CDCA7L: variants seen among roughly 807,000 people sequenced by gnomAD.
The protein encoded by CDCA7L is cell division cycle associated 7 like, also known as cell division cycle-associated 7-like protein.
Under a neutral mutation model 57.4 loss-of-function variants are expected in CDCA7L, and 44 were observed. The ratio of observed to expected loss-of-function variants is 0.77; its 90% confidence interval spans 0.60 to 0.98. The LOEUF (loss-of-function observed/expected upper bound fraction) is 0.98. CDCA7L is among the 50% of genes least tolerant of loss of function. The pLI is 0.00. For missense variants in CDCA7L, 644 were observed against 580.6 expected (o/e 1.11, Z -1.12); for synonymous variants, 236 against 202.8 (o/e 1.16, Z -1.39).
At chr7:21,907,951 T>C (rs528605487) in intron 4 of CDCA7L, among the ~76,000 whole-genome samples, 179 bp downstream of exon 4, 1 of 152,162 alleles carries the variant, frequency 6.6e-6, no homozygotes, top group Non-Finnish European at 1.5e-5. Context: ...CCAGAGCTGA[T>C]CATGTAATAG....
intron 3 of CDCA7L, among the ~76,000 whole-genome samples, chr7:21,911,245 G>A (rs551336408): frequency 6.6e-6 from 1 of 151,690 alleles, no homozygotes; most frequent in African/African-American, 2.4e-5. Flanking sequence ...GGTGAGGCTG[G>A]TCTTGAACTC....
intron 1 of CDCA7L, among the ~76,000 whole-genome samples, chr7:21,934,027 T>C (rs972066249): frequency 1.3e-5 from 2 of 152,086 alleles, no homozygotes; most frequent in African/African-American, 2.4e-5. Flanking sequence ...CTACTGGCAT[T>C]TGCAACAGAA....
chr7:21,901,218 G>C lies in CDCA7L; in HGVS notation c.*1104C>G. On this transcript the variant is annotated 3_prime_UTR_variant, in exon 10 of 10. Coordinates refer to ENST00000406877, the MANE Select transcript of CDCA7L (RefSeq NM_018719.5). ...AGAGCGAAGAGAAGACTGCAAAATG[G>C]GTTCTGGCTGGAGTGGCTCTGCTTC... The C allele has an allele frequency of 1.2e-6, 2 of 1,612,064 alleles. No homozygotes were observed. The highest frequency in any genetic ancestry group is 1.7e-6 in the Non-Finnish European group (2 of 1,179,010).
rs1033735150 is a variant in CDCA7L at position 21,932,435 on chromosome 7, T to A, written c.24+13346A>T. 3.3e-5 allele frequency among the ~76,000 whole-genome samples: 5 copies of A among 152,184 alleles called. 1 individual carries two copies. The East Asian group carries it at 7.7e-4, about 23-fold the overall frequency. Reference sequence around the variant, plus strand: ...GGCTACAGTAACCAAAACAGCATGGTACTGGTACCAAAACAGATATACAGA... The same window carrying A: ...GGCTACAGTAACCAAAACAGCATGGAACTGGTACCAAAACAGATATACAGA... On this transcript the variant is annotated intron_variant, in intron 1 of 9. Transcript: ENST00000406877.
At chr7:21,911,810 G>A in intron 2 of CDCA7L, 56 bp from the exon 3 acceptor site, 1 of 1,541,676 alleles carries the variant, frequency 6.5e-7, no homozygotes, top group Non-Finnish European at 8.8e-7. Context: ...GGTTACCAGG[G>A]AAGGGTAGAA....
intron 1 of CDCA7L, among the ~76,000 whole-genome samples, chr7:21,928,566 G>C (rs1341851251): frequency 2.0e-5 from 3 of 152,018 alleles, no homozygotes; most frequent in Non-Finnish European, 4.4e-5. Context: ...AAAAAGGTTA[G>C]AGGAATTGCT....
intron 6 of CDCA7L, chr7:21,905,835 G>A (rs1785120383): frequency 1.8e-6 from 1 of 565,314 alleles, no homozygotes; most frequent in Non-Finnish European, 2.9e-6. Context: ...AATCATAAAG[G>A]AGGAACTCAA....
chr7:21,909,593 A>ATG (rs1785250428), intron 3 of CDCA7L, among the ~76,000 whole-genome samples: 1 of 152,210 alleles, frequency 6.6e-6, no homozygotes, highest in Admixed American at 6.5e-5. Flanking sequence ...GTAAGACTAT[A>ATG]TGGCACTGAT....
rs191940230 is a variant in CDCA7L at position 21,942,100 on chromosome 7, C to G, written c.24+3681G>C. On this transcript the variant is annotated intron_variant, in intron 1 of 9. Transcript: ENST00000406877. ...ACCAATGCCTAGCACATAACCGGTG[C>G]TCAACTGACTATCTGATCAGTGTAC... Among the ~76,000 whole-genome samples, 73 of 152,292 alleles carry G rather than the reference C, an allele frequency of 4.8e-4. No individual in the cohort carries two copies. The East Asian group carries it at 0.012, about 26-fold the overall frequency.
intron 2 of CDCA7L, among the ~76,000 whole-genome samples, chr7:21,913,489 T>C (rs1158259090): frequency 6.6e-6 from 1 of 152,060 alleles, no homozygotes; most frequent in Non-Finnish European, 1.5e-5. Flanking sequence ...GGGGTCGGGG[T>C]AGAGAAGCAG....
At chr7:21,912,263 C>A (rs1243233377) in intron 2 of CDCA7L, among the ~76,000 whole-genome samples, 1 of 152,086 alleles carries the variant, frequency 6.6e-6, no homozygotes, top group African/African-American at 2.4e-5. Flanking sequence ...CCATTGCACT[C>A]CAGCCGGGTG....
chr7:21,906,084 T>C (rs911812469), intron 6 of CDCA7L, among the ~76,000 whole-genome samples: 9 of 152,224 alleles, frequency 5.9e-5, no homozygotes, highest in African/African-American at 2.2e-4. Context: ...ACTCTCTCTG[T>C]GACCTCCAGC....
intron 1 of CDCA7L, among the ~76,000 whole-genome samples, chr7:21,924,987 G>T: frequency 6.6e-6 from 1 of 152,086 alleles, no homozygotes; most frequent in Non-Finnish European, 1.5e-5. Context: ...CTCTGAATGG[G>T]GAGGACTTTC....
At chr7:21,944,077 G>C (rs1218615298) in intron 1 of CDCA7L, among the ~76,000 whole-genome samples, 1 of 152,100 alleles carries the variant, frequency 6.6e-6, no homozygotes, top group Admixed American at 6.5e-5. Context: ...AACTCACAAG[G>C]AGCTCAAATC....
intron 2 of CDCA7L, among the ~76,000 whole-genome samples, chr7:21,916,514 T>TA (rs71557529): frequency 2.2e-4 from 23 of 105,090 alleles, no homozygotes; most frequent in East Asian, 5.4e-4. Context: ...TCCCTTTATT[T>TA]AAAAAAAAAA....
In CDCA7L at chr7:21,901,196, GCGA is replaced by G; in HGVS notation, c.*1123_*1125del. 6.2e-7 allele frequency: 1 copy of G among 1,613,946 alleles called. No individual in the cohort carries two copies. Among genetic ancestry groups the G allele is most frequent in the Non-Finnish European group, 8.5e-7 (1 of 1,179,836 alleles). On this transcript the variant is annotated 3_prime_UTR_variant, in exon 10 of 10. Transcript: ENST00000406877. ...TACATCTGGACCTTCAGGCTGAAGA[GCGA>G]AGAGAAGACTGCAAAATGGGTTCTG...
At chr7:21,911,170 C>T (rs1247490423) in intron 3 of CDCA7L, among the ~76,000 whole-genome samples, 1 of 151,614 alleles carries the variant, frequency 6.6e-6, no homozygotes, top group Non-Finnish European at 1.5e-5. Flanking sequence ...GCTTGGATTA[C>T]AGGTGCCCGC....
At chr7:21,921,743 G>A (rs1785661302) in intron 1 of CDCA7L, among the ~76,000 whole-genome samples, 1 of 150,690 alleles carries the variant, frequency 6.6e-6, no homozygotes, top group African/African-American at 2.4e-5. Flanking sequence ...TTGAACTTCT[G>A]AATTAGGATA....
chr7:21,908,582 C>A (rs1225983459), intron 3 of CDCA7L, 75 bp from the exon 4 acceptor site: 7 of 1,372,736 alleles, frequency 5.1e-6, no homozygotes, highest in East Asian at 2.5e-5. Flanking sequence ...TTTAAAACAA[C>A]TGACAGCATT....
Sources: gnomAD v4.1 joint callset for allele counts (sites outside exome capture counted in the v4.1 genomes callset) on GRCh38, gnomAD v4.1.1 for gene constraint, MANE v1.5 for transcripts, NCBI Gene and HGNC (gene_info 2026-07-23, HGNC 2026-07-21) for gene names.